Variants in CTNNA2 observed in about 807,000 individuals in gnomAD.
CTNNA2 encodes the protein catenin alpha 2.
In CTNNA2, 42 loss-of-function variants were observed where a neutral mutation model predicts 101.0. The ratio of observed to expected loss-of-function variants is 0.42; its 90% CI spans 0.32 to 0.54. CTNNA2 has a LOEUF of 0.54. CTNNA2 is among the 20% of genes least tolerant of loss of function. CTNNA2 has a pLI of 0.14. For missense variants in CTNNA2, 871 were observed against 1,223.1 expected (o/e 0.71, Z 4.29); for synonymous variants, 450 against 456.4 (o/e 0.99, Z 0.18).
At chr2:79,235,668 G>A (rs1284904311) in intron 2 of CTNNA2, among the ~76,000 whole-genome samples, 1 of 152,192 alleles carries the variant, frequency 6.6e-6, no homozygotes, top group Non-Finnish European at 1.5e-5. Context: ...TGATCCGAGA[G>A]TAAGGGCTTG....
chr2:80,608,570 T>C, intron 17 of CTNNA2: 1 of 305,878 alleles, frequency 3.3e-6, no homozygotes, highest in Non-Finnish European at 6.1e-6. Flanking sequence ...AATTTTGTAG[T>C]CTGGAAACTC....
At chr2:80,221,821 T>C (rs1708593451) in intron 7 of CTNNA2, among the ~76,000 whole-genome samples, 1 of 152,250 alleles carries the variant, frequency 6.6e-6, no homozygotes, top group Admixed American at 6.5e-5. Context: ...ATGATCAAAA[T>C]GTGTGCAAGA....
chr2:80,294,271 A>T (rs548646873), intron 7 of CTNNA2, among the ~76,000 whole-genome samples: 3 of 152,324 alleles, frequency 2.0e-5, no homozygotes, highest in African/African-American at 7.2e-5. Flanking sequence ...GAGAGTAAAA[A>T]CAAATATAAG....
intron 7 of CTNNA2, among the ~76,000 whole-genome samples, chr2:80,194,059 A>G (rs1706686867): frequency 3.3e-5 from 5 of 152,206 alleles, no homozygotes; most frequent in Non-Finnish European, 4.4e-5. Context: ...TGGCATTTAA[A>G]TTAAGGTTAT....
chr2:80,114,657 G>T (rs1221817411), intron 7 of CTNNA2, among the ~76,000 whole-genome samples: 1 of 152,316 alleles, frequency 6.6e-6, no homozygotes, highest in Non-Finnish European at 1.5e-5. Flanking sequence ...TTCAGGAGTT[G>T]GATAGAAGCT....
chr2:79,200,937 T>C (rs1236266785), intron 2 of CTNNA2, among the ~76,000 whole-genome samples: 4 of 152,002 alleles, frequency 2.6e-5, no homozygotes, highest in African/African-American at 7.2e-5. Flanking sequence ...CAGGCTATTG[T>C]GGTAAAGAAG....
chr2:79,414,111 A>T (rs1033071620), intron 4 of CTNNA2, among the ~76,000 whole-genome samples: 7 of 151,912 alleles, frequency 4.6e-5, no homozygotes, highest in African/African-American at 1.7e-4. Context: ...TTAGGAAAAC[A>T]GCCAGTATGG....
At chr2:80,439,004 C>T (rs1471445506) in intron 9 of CTNNA2, among the ~76,000 whole-genome samples, 1 of 152,162 alleles carries the variant, frequency 6.6e-6, no homozygotes, top group African/African-American at 2.4e-5. Flanking sequence ...GAGGGAATAG[C>T]TATTTTTAAA....
In CTNNA2 at chr2:79,521,107, GATATATATATATATATATATATATAT is replaced by G. The variant is rs59797728; in HGVS notation, c.-6+7936_-6+7961del. On this transcript the variant is annotated intron_variant, in intron 1 of 18. Coordinates refer to ENST00000402739, the MANE Select transcript of CTNNA2 (RefSeq NM_001282597.3). ...CTTTGAGATAGAAAACAAAGCTGCT[GATATATATATATATATATATATATAT>G]ATATATATATATATATATATATATA... Among the ~76,000 whole-genome samples, 991 of 105,364 alleles carry G rather than the reference GATATATATATATATATATATATATAT, an allele frequency of 9.4e-3. 19 individuals carry two copies. The highest frequency in any genetic ancestry group is 0.015 in the Admixed American group (126 of 8,616). The allele number at this position is 105,364 out of a possible 152,430, so 69.1% of individuals were successfully genotyped here.
At chr2:80,580,249 G>A (rs1242291834) in intron 13 of CTNNA2, among the ~76,000 whole-genome samples, 2 of 152,176 alleles carry the variant, frequency 1.3e-5, no homozygotes, top group African/African-American at 4.8e-5. Flanking sequence ...AGCACTTAAT[G>A]CACAGTTATC....
At chr2:79,778,831 T>C (rs373665366) in intron 3 of CTNNA2, among the ~76,000 whole-genome samples, 18 of 152,118 alleles carry the variant, frequency 1.2e-4, no homozygotes, top group African/African-American at 3.6e-4. Context: ...CAATTTAAGG[T>C]TTTTATGCCA....
At chr2:80,123,148 T>C (rs1701935232) in intron 7 of CTNNA2, among the ~76,000 whole-genome samples, 1 of 152,180 alleles carries the variant, frequency 6.6e-6, no homozygotes, top group African/African-American at 2.4e-5. Context: ...TTTCTGCTTA[T>C]TCACTGGCTG....
At chr2:80,499,715 G>C (rs1032914598) in intron 9 of CTNNA2, among the ~76,000 whole-genome samples, 1 of 152,064 alleles carries the variant, frequency 6.6e-6, no homozygotes, top group African/African-American at 2.4e-5. Context: ...CAGCTACTGG[G>C]GAGACTGAGG....
chr2:80,220,369 G>T (rs571895901), intron 7 of CTNNA2, among the ~76,000 whole-genome samples: 2 of 152,160 alleles, frequency 1.3e-5, no homozygotes, highest in Non-Finnish European at 2.9e-5. Context: ...TGGCATCCAC[G>T]TTTTTTCCTT....
At chr2:79,678,020 G>A (rs556598713) in intron 2 of CTNNA2, among the ~76,000 whole-genome samples, 3 of 152,154 alleles carry the variant, frequency 2.0e-5, no homozygotes, top group Non-Finnish European at 2.9e-5. Context: ...ATAACAATTT[G>A]TTTTTATTTG....
At chr2:79,636,403 G>A (rs1179769080) in intron 1 of CTNNA2, among the ~76,000 whole-genome samples, 4 of 151,754 alleles carry the variant, frequency 2.6e-5, no homozygotes, top group Admixed American at 6.6e-5. Flanking sequence ...ATGAGACACA[G>A]TGATGGAGTC....
At chr2:79,547,534 G>A (rs1673814729) in intron 1 of CTNNA2, 1 of 152,270 alleles carries the variant, frequency 6.6e-6, no homozygotes, top group African/African-American at 2.4e-5. Flanking sequence ...AGCTTCAACT[G>A]AAGTATTTTT....
At chr2:80,470,179 A>G (rs1434077) in intron 9 of CTNNA2, among the ~76,000 whole-genome samples, 42,108 of 152,048 alleles carry the variant, frequency 0.28, 7,074 homozygotes, top group East Asian at 0.66. Flanking sequence ...TAATTCTGGG[A>G]CCTTCTTAGA....
intron 4 of CTNNA2, among the ~76,000 whole-genome samples, chr2:79,440,627 T>C (rs1678767587): frequency 6.6e-6 from 1 of 152,166 alleles, no homozygotes; most frequent in Non-Finnish European, 1.5e-5. Flanking sequence ...GCCATCCATA[T>C]ACCTAAGTGC....
Sources: gnomAD v4.1 joint callset for allele counts (sites outside exome capture counted in the v4.1 genomes callset) on GRCh38, gnomAD v4.1.1 for gene constraint, MANE v1.5 for transcripts, NCBI Gene and HGNC (gene_info 2026-07-23, HGNC 2026-07-21) for gene names.